Variants in HRH1 observed in about 807,000 individuals in gnomAD.
HRH1 encodes histamine receptor H1.
Under a neutral mutation model 10.3 loss-of-function variants are expected in HRH1, and 6 were observed. The ratio of observed to expected loss-of-function variants is 0.58; its 90% confidence interval spans 0.32 to 1.15. HRH1 has a LOEUF of 1.15. Among genes scored for constraint, HRH1 ranks in the 50% most tolerant of loss-of-function variants. The probability of loss-of-function intolerance (pLI) is 0.05; values close to 1 mark genes in which losing one functional copy is unlikely to be tolerated. For synonymous variants in HRH1, 242 were observed against 236.7 expected, an observed-to-expected ratio of 1.02 and a Z score of -0.21; for missense variants, 514 against 615.3, an observed-to-expected ratio of 0.84 and a Z score of 1.74.
At chr3:11,221,707 T>A (rs1938716083) in intron 1 of HRH1, among the ~76,000 whole-genome samples, 1 of 152,090 alleles carries the variant, frequency 6.6e-6, no homozygotes, top group Non-Finnish European at 1.5e-5. Flanking sequence ...ACTCTTCACT[T>A]TGCAAAACTG....
intron 1 of HRH1, among the ~76,000 whole-genome samples, chr3:11,194,690 C>CCA: frequency 6.6e-6 from 1 of 152,210 alleles, no homozygotes; most frequent in East Asian, 1.9e-4. Flanking sequence ...TGGCGTGCAC[C>CCA]TGTAATCCCA....
intron 1 of HRH1, among the ~76,000 whole-genome samples, chr3:11,180,854 G>T (rs1314128245): frequency 6.6e-6 from 1 of 151,866 alleles, no homozygotes; most frequent in Non-Finnish European, 1.5e-5. Context: ...TTATTCATCA[G>T]TTGACAGATA....
chr3:11,186,363 T>A (rs1366168743), intron 1 of HRH1, among the ~76,000 whole-genome samples: 2 of 152,194 alleles, frequency 1.3e-5, no homozygotes, highest in East Asian at 3.8e-4. Flanking sequence ...CCAGTGCCCT[T>A]ATTCATCATC....
intron 1 of HRH1, among the ~76,000 whole-genome samples, chr3:11,208,618 A>C (rs1938219575): frequency 6.6e-6 from 1 of 152,166 alleles, no homozygotes; most frequent in Non-Finnish European, 1.5e-5. Flanking sequence ...AAGCATACAC[A>C]CCCATACATA....
At chr3:11,242,910 C>G (rs896912335) in intron 1 of HRH1, among the ~76,000 whole-genome samples, 1 of 151,336 alleles carries the variant, frequency 6.6e-6, no homozygotes, top group African/African-American at 2.4e-5. Flanking sequence ...TGGTTTGGGT[C>G]TCTCTTTTTT....
chr3:11,172,433 C>T (rs1937168774), intron 1 of HRH1, among the ~76,000 whole-genome samples: 1 of 152,236 alleles, frequency 6.6e-6, no homozygotes, highest in Admixed American at 6.5e-5. Flanking sequence ...CTGCTGAACA[C>T]TCAAACAGCA....
intron 1 of HRH1, among the ~76,000 whole-genome samples, chr3:11,206,902 G>A (rs1281436672): frequency 6.6e-6 from 1 of 152,214 alleles, no homozygotes; most frequent in Non-Finnish European, 1.5e-5. Flanking sequence ...TAGGGTGGGA[G>A]AGCTGAGGAG....
At chr3:11,208,979 CAT>C (rs1938232015) in intron 1 of HRH1, among the ~76,000 whole-genome samples, 1 of 152,180 alleles carries the variant, frequency 6.6e-6, no homozygotes, top group Admixed American at 6.5e-5. Context: ...TCACCCCAGC[CAT>C]GAGATGCCAG....
intron 1 of HRH1, among the ~76,000 whole-genome samples, chr3:11,179,058 CAGACA>C (rs1559261575): frequency 2.0e-5 from 3 of 152,156 alleles, no homozygotes; most frequent in Admixed American, 6.5e-5. Context: ...GAGGCCAAGG[CAGACA>C]GATCACCTGA....
chr3:11,183,035 A>G (rs775042824), intron 1 of HRH1, among the ~76,000 whole-genome samples: 16 of 152,240 alleles, frequency 1.1e-4, no homozygotes, highest in Non-Finnish European at 2.2e-4. Flanking sequence ...AACCTCAGGA[A>G]AATGGAAGAT....
At chr3:11,167,160 G>A (rs181014814) in intron 1 of HRH1, among the ~76,000 whole-genome samples, 1,518 of 136,800 alleles carry the variant, frequency 0.011, 31 homozygotes, top group African/African-American at 0.04. Context: ...CTCCAGGCCC[G>A]TGACATCTGC....
intron 1 of HRH1, among the ~76,000 whole-genome samples, chr3:11,139,850 T>C (rs779382375): frequency 6.6e-6 from 1 of 152,168 alleles, no homozygotes; most frequent in East Asian, 1.9e-4. Flanking sequence ...TTAGGAGTTA[T>C]GGAGTTGTTT....
At chr3:11,142,253 TAG>T (rs1936305555) in intron 1 of HRH1, among the ~76,000 whole-genome samples, 1 of 152,206 alleles carries the variant, frequency 6.6e-6, no homozygotes, top group Non-Finnish European at 1.5e-5. Context: ...TCCTGGAGCC[TAG>T]GTCTGTCTCT....
intron 1 of HRH1, among the ~76,000 whole-genome samples, chr3:11,170,518 C>A (rs540524041): frequency 9.8e-5 from 15 of 152,346 alleles, no homozygotes; most frequent in African/African-American, 3.6e-4. Context: ...GAAGGCAGAC[C>A]CGGAACGGGC....
intron 1 of HRH1, among the ~76,000 whole-genome samples, chr3:11,170,922 G>T (rs1015181302): frequency 1.3e-5 from 2 of 152,112 alleles, no homozygotes; most frequent in African/African-American, 4.8e-5. Flanking sequence ...TGAAGTCAAG[G>T]TTAAGGGCAG....
At chr3:11,228,064 G>T (rs1432438734) in intron 1 of HRH1, among the ~76,000 whole-genome samples, 3 of 152,162 alleles carry the variant, frequency 2.0e-5, no homozygotes, top group Non-Finnish European at 2.9e-5. Context: ...AGCATAACAT[G>T]AAACTCTGAA....
At chr3:11,183,891 C>T (rs1431885601) in intron 1 of HRH1, among the ~76,000 whole-genome samples, 1 of 142,012 alleles carries the variant, frequency 7.0e-6, no homozygotes, top group African/African-American at 2.7e-5. Context: ...AAGCACTGGC[C>T]ATCTTATTCC....
upstream of HRH1, among the ~76,000 whole-genome samples, chr3:11,150,088 C>A (rs950218864): frequency 2.6e-5 from 4 of 152,206 alleles, no homozygotes; most frequent in Admixed American, 6.5e-5. Flanking sequence ...AATGAAAGTG[C>A]CTTTCTGAAA....
intron 1 of HRH1, among the ~76,000 whole-genome samples, chr3:11,244,984 C>G (rs929338185): frequency 6.6e-6 from 1 of 152,128 alleles, no homozygotes; most frequent in Non-Finnish European, 1.5e-5. Context: ...AATGTCATCA[C>G]CCAGTACACA....
Sources: allele counts gnomAD v4.1 joint callset (sites outside exome capture counted in the v4.1 genomes callset), GRCh38; gene constraint gnomAD v4.1.1; transcripts MANE v1.5; gene names NCBI Gene and HGNC (gene_info 2026-07-23, HGNC 2026-07-21).